The following SGCZ variants were observed in gnomAD, a reference collection of about 807,000 sequenced individuals.
SGCZ encodes sarcoglycan zeta.
In SGCZ, 40 loss-of-function variants were observed where a neutral mutation model predicts 41.3. The observed-to-expected ratio is 0.97, with a 90% CI of 0.75 to 1.26. SGCZ has a LOEUF of 1.26. SGCZ is among the 50% of genes most tolerant of loss of function. The probability of loss-of-function intolerance (pLI) is 0.00; values close to 1 mark genes in which losing one functional copy is unlikely to be tolerated. For synonymous variants in SGCZ, 206 were observed against 137.5 expected, an observed-to-expected ratio of 1.50 and a Z score of -3.49; for missense variants, 552 against 369.8, an observed-to-expected ratio of 1.49 and a Z score of -4.04.
At chr8:15,194,480 C>T (rs931759940) in intron 1 of SGCZ, among the ~76,000 whole-genome samples, 1 of 152,118 alleles carries the variant, frequency 6.6e-6, no homozygotes, top group African/African-American at 2.4e-5. Context: ...TGTCACCTTA[C>T]CTTGCAAAAG....
chr8:14,853,502 T>A lies in SGCZ; in HGVS notation c.40-298576A>T, dbSNP rs757040124. 5.6e-6 allele frequency: 3 copies of A among 532,612 alleles called. No individual in the cohort carries two copies. The East Asian group carries it at 1.6e-4, about 29-fold the overall frequency. The allele number at this position is 532,612 out of a possible 1,614,324, so 33.0% of individuals were successfully genotyped here. Reference sequence around the variant, plus strand: ...ACCCAAAGCCACAATCACCTTCTGATCTGAGGAGCAGGTGACGGGGAGATT... The same window carrying A: ...ACCCAAAGCCACAATCACCTTCTGAACTGAGGAGCAGGTGACGGGGAGATT... On this transcript the variant is annotated intron_variant, in intron 1 of 7. Coordinates refer to ENST00000382080, the MANE Select transcript of SGCZ (RefSeq NM_139167.4).
chr8:14,946,671 C>A, intron 1 of SGCZ, among the ~76,000 whole-genome samples: 1 of 110,190 alleles, frequency 9.1e-6, no homozygotes, highest in South Asian at 3.6e-4. Flanking sequence ...TGTTAGAAAT[C>A]TGTATTTTTT....
chr8:14,544,030 T>C (rs1803549698), intron 2 of SGCZ, among the ~76,000 whole-genome samples: 1 of 151,864 alleles, frequency 6.6e-6, no homozygotes. Flanking sequence ...GAGCACAGAG[T>C]AATTATTTGT....
chr8:14,647,419 C>A (rs1807257612), intron 1 of SGCZ, among the ~76,000 whole-genome samples: 1 of 151,976 alleles, frequency 6.6e-6, no homozygotes. Context: ...GTTTATTTCA[C>A]TGATCTATTT....
chr8:14,684,068 C>G (rs993234), intron 1 of SGCZ, among the ~76,000 whole-genome samples: 151,854 of 152,290 alleles, frequency 1, 75,711 homozygotes, highest in Middle Eastern at 1. Context: ...ATTATGAAAC[C>G]CAACATGCCA....
In SGCZ at chr8:14,854,510, A is replaced by G. The variant is rs73664488; in HGVS notation, c.40-299584T>C. Among the ~76,000 whole-genome samples, 730 of 152,274 alleles carry G rather than the reference A, an allele frequency of 4.8e-3. 8 individuals are homozygous for G. The highest frequency in any genetic ancestry group is 0.016 in the African/African-American group (669 of 41,576). ...TAAATATTAAGGCACTTCTTAGATTAATAAAATTAATAAATTTCACATTGT... is the reference window on the plus strand; with the variant it reads ...TAAATATTAAGGCACTTCTTAGATTGATAAAATTAATAAATTTCACATTGT... On this transcript the variant is annotated intron_variant, in intron 1 of 7. Coordinates refer to ENST00000382080, the MANE Select transcript of SGCZ (RefSeq NM_139167.4).
At chr8:14,554,997 T>A (rs1239561602) in intron 1 of SGCZ, 71 bp from the exon 2 acceptor site, 5 of 1,380,684 alleles carry the variant, frequency 3.6e-6, no homozygotes. Flanking sequence ...AAACCCATGA[T>A]TTTTTTGAAA....
chr8:14,694,795 C>G (rs372241103), intron 1 of SGCZ, among the ~76,000 whole-genome samples: 34 of 152,146 alleles, frequency 2.2e-4, no homozygotes, highest in African/African-American at 7.5e-4. Context: ...CTAAAAGTCT[C>G]ACTTAAAAAG....
intron 1 of SGCZ, among the ~76,000 whole-genome samples, chr8:15,180,564 C>A (rs1447987521): frequency 6.6e-6 from 1 of 151,298 alleles, no homozygotes; most frequent in East Asian, 1.9e-4. Flanking sequence ...AAATTTAGCA[C>A]TGATACAAAG....
At chr8:14,319,421 C>T (rs1801843294) in intron 3 of SGCZ, 1 of 152,032 alleles carries the variant, frequency 6.6e-6, no homozygotes, top group South Asian at 2.1e-4. Context: ...ACACCCGAAG[C>T]ATGAATGATT....
chr8:15,217,108 C>G (rs1801428552), intron 1 of SGCZ, among the ~76,000 whole-genome samples: 1 of 151,916 alleles, frequency 6.6e-6, no homozygotes. Context: ...TAATATTAAC[C>G]CCACAGAGTA....
chr8:14,570,405 G>C (rs1168306527), intron 1 of SGCZ, among the ~76,000 whole-genome samples: 1 of 152,102 alleles, frequency 6.6e-6, no homozygotes, highest in Non-Finnish European at 1.5e-5. Context: ...TACTCTTCTT[G>C]CTATTTATGT....
At chr8:14,876,701 C>A (rs1350914809) in intron 1 of SGCZ, among the ~76,000 whole-genome samples, 1 of 152,064 alleles carries the variant, frequency 6.6e-6, no homozygotes, top group Admixed American at 6.6e-5. Flanking sequence ...TAGTGAGTAA[C>A]TTTTATTGGC....
At chr8:14,093,973 A>G (rs1801766375) in intron 7 of SGCZ, among the ~76,000 whole-genome samples, 1 of 152,000 alleles carries the variant, frequency 6.6e-6, no homozygotes, top group Admixed American at 6.6e-5. Context: ...TCCATATAGA[A>G]TAGGGCATGG....
chr8:14,714,161 G>A (rs1210298097), intron 1 of SGCZ, among the ~76,000 whole-genome samples: 8 of 151,946 alleles, frequency 5.3e-5, no homozygotes, highest in Non-Finnish European at 8.8e-5. Context: ...TAGAGATGGG[G>A]TTTCACCATG....
chr8:14,127,818 G>C (rs1283723919), intron 5 of SGCZ, among the ~76,000 whole-genome samples: 1 of 151,954 alleles, frequency 6.6e-6, no homozygotes, highest in African/African-American at 2.4e-5. Flanking sequence ...TTATTACATA[G>C]GTAAACTCAT....
intron 3 of SGCZ, among the ~76,000 whole-genome samples, chr8:14,323,684 T>A (rs1026354785): frequency 1.3e-5 from 2 of 152,164 alleles, no homozygotes; most frequent in Admixed American, 6.5e-5. Context: ...AAATTCTTTG[T>A]CATTTCTTTT....
At chr8:14,603,586 GT>G (rs534678151) in intron 1 of SGCZ, among the ~76,000 whole-genome samples, 2 of 151,790 alleles carry the variant, frequency 1.3e-5, no homozygotes, top group African/African-American at 4.8e-5. Context: ...AGGTTTTAGG[GT>G]TTTTTTAAAA....
intron 5 of SGCZ, among the ~76,000 whole-genome samples, chr8:14,129,656 A>T (rs1802974709): frequency 6.6e-6 from 1 of 152,076 alleles, no homozygotes; most frequent in Non-Finnish European, 1.5e-5. Context: ...AAGAGAAGAG[A>T]AAACTAAACA....
Sources: allele counts gnomAD v4.1 joint callset (sites outside exome capture counted in the v4.1 genomes callset), GRCh38; gene constraint gnomAD v4.1.1; transcripts MANE v1.5; gene names NCBI Gene and HGNC (gene_info 2026-07-23, HGNC 2026-07-21).